The following PLCB1 variants were observed in gnomAD, a reference collection of about 807,000 sequenced individuals.
PLCB1 encodes phospholipase C beta 1.
PLCB1 carries 46 observed loss-of-function variants against 161.8 expected under a neutral mutation model. That is an observed-to-expected ratio of 0.28 (90% CI 0.22 to 0.36). The LOEUF is 0.36. PLCB1 is among the 10% of genes least tolerant of loss of function. The pLI, the probability that PLCB1 is intolerant of heterozygous loss-of-function variation, is 1.00. For missense variants in PLCB1, 1,016 were observed against 1,472.5 expected, an observed-to-expected ratio of 0.69 and a Z score of 5.07; for synonymous variants, 517 against 503.7, an observed-to-expected ratio of 1.03 and a Z score of -0.35.
chr20:8,773,589 G>T (rs1982798259), intron 26 of PLCB1, among the ~76,000 whole-genome samples: 1 of 152,186 alleles, frequency 6.6e-6, no homozygotes, highest in Non-Finnish European at 1.5e-5. Context: ...TGTAAGCTTT[G>T]TGTGGAAAGT....
chr20:8,392,746 T>C (rs1987647080), intron 3 of PLCB1, among the ~76,000 whole-genome samples: 2 of 152,130 alleles, frequency 1.3e-5, no homozygotes, highest in South Asian at 4.1e-4. Context: ...TCTGAGAAAT[T>C]TGTGTTTTGT....
At chr20:8,678,550 A>G (rs1291934075) in intron 9 of PLCB1, among the ~76,000 whole-genome samples, 1 of 152,212 alleles carries the variant, frequency 6.6e-6, no homozygotes, top group Non-Finnish European at 1.5e-5. Flanking sequence ...AATAATTCTA[A>G]ATTTAGCAGA....
At chr20:8,214,874 C>T (rs1411902257) in intron 2 of PLCB1, among the ~76,000 whole-genome samples, 3 of 151,852 alleles carry the variant, frequency 2.0e-5, no homozygotes, top group Non-Finnish European at 2.9e-5. Flanking sequence ...AAGTTATTTG[C>T]GGGGACTGTT....
At chr20:8,288,052 A>G (rs1480170110) in intron 2 of PLCB1, among the ~76,000 whole-genome samples, 6 of 152,184 alleles carry the variant, frequency 3.9e-5, no homozygotes, top group Non-Finnish European at 5.9e-5. Flanking sequence ...CTGAGGTGTA[A>G]CTGTCTATTA....
chr20:8,863,042 G>A (rs1362606587), intron 31 of PLCB1, among the ~76,000 whole-genome samples: 1 of 152,202 alleles, frequency 6.6e-6, no homozygotes, highest in Admixed American at 6.5e-5. Flanking sequence ...GTTATTTCTT[G>A]CAAAGGGTGA....
intron 2 of PLCB1, among the ~76,000 whole-genome samples, chr20:8,234,949 A>G (rs1980244113): frequency 6.6e-6 from 1 of 152,076 alleles, no homozygotes; most frequent in South Asian, 2.1e-4. Context: ...TAAGAATCCA[A>G]TTTGAGGGGT....
chr20:8,874,545 A>G (rs906908931), intron 31 of PLCB1, among the ~76,000 whole-genome samples: 4 of 152,072 alleles, frequency 2.6e-5, no homozygotes, highest in African/African-American at 9.6e-5. Context: ...AAGCAAATAA[A>G]TAAATATGCT....
At chr20:8,425,496 C>A (rs916779809) in intron 3 of PLCB1, among the ~76,000 whole-genome samples, 4 of 152,010 alleles carry the variant, frequency 2.6e-5, no homozygotes, top group Admixed American at 1.3e-4. Flanking sequence ...TTCACCAGGT[C>A]TAGGGGGCAC....
intron 9 of PLCB1, among the ~76,000 whole-genome samples, chr20:8,668,217 A>C (rs902728967): frequency 6.6e-6 from 1 of 152,062 alleles, no homozygotes; most frequent in African/African-American, 2.4e-5. Context: ...TTAATAGAAA[A>C]GCTGAAAAAT....
intron 4 of PLCB1, among the ~76,000 whole-genome samples, chr20:8,641,878 T>C (rs1406732843): frequency 6.6e-6 from 1 of 152,212 alleles, no homozygotes; most frequent in Non-Finnish European, 1.5e-5. Context: ...CTGATGATCA[T>C]GTATTTATTA....
At chr20:8,865,486 G>A (rs1375631250) in intron 31 of PLCB1, among the ~76,000 whole-genome samples, 1 of 152,190 alleles carries the variant, frequency 6.6e-6, no homozygotes, top group Non-Finnish European at 1.5e-5. Context: ...ATGTGAGAAT[G>A]TATTGGTTAG....
intron 31 of PLCB1, among the ~76,000 whole-genome samples, chr20:8,832,502 C>T (rs1053291433): frequency 2.6e-5 from 4 of 152,202 alleles, no homozygotes; most frequent in Non-Finnish European, 4.4e-5. Flanking sequence ...TGGATCTCTT[C>T]GCATGTCCTT....
chr20:8,297,854 C>T (rs1983707424), intron 2 of PLCB1, among the ~76,000 whole-genome samples: 1 of 151,040 alleles, frequency 6.6e-6, no homozygotes. Flanking sequence ...CCTCAACATT[C>T]ATTTGCTGTC....
chr20:8,562,403 G>C (rs911142754), intron 3 of PLCB1, among the ~76,000 whole-genome samples: 1 of 152,070 alleles, frequency 6.6e-6, no homozygotes, highest in Non-Finnish European at 1.5e-5. Context: ...CCTGTGGCCA[G>C]GTAAGGCAAA....
intron 26 of PLCB1, among the ~76,000 whole-genome samples, chr20:8,773,649 T>G (rs931557322): frequency 2.0e-5 from 3 of 152,306 alleles, no homozygotes; most frequent in Middle Eastern, 3.4e-3. Context: ...CCAAAGGGCC[T>G]TATTTTCATT....
intron 4 of PLCB1, among the ~76,000 whole-genome samples, chr20:8,628,907 TG>T (rs1270980751): frequency 1.3e-5 from 2 of 151,796 alleles, no homozygotes; most frequent in Admixed American, 6.6e-5. Context: ...CACTCCAGCC[TG>T]GGTGACAGAG....
chr20:8,632,059 T>G (rs1166508288), intron 4 of PLCB1, among the ~76,000 whole-genome samples: 2 of 114,702 alleles, frequency 1.7e-5, no homozygotes, highest in African/African-American at 6.0e-5. Context: ...TTTTTTTTTT[T>G]TTTTTTTTGC....
At chr20:8,852,772 T>C (rs772004157) in intron 31 of PLCB1, among the ~76,000 whole-genome samples, 1 of 152,256 alleles carries the variant, frequency 6.6e-6, no homozygotes, top group Non-Finnish European at 1.5e-5. Flanking sequence ...TGTTTTCTTA[T>C]AATATTTACC....
At chr20:8,220,524 A>G (rs1444306934) in intron 2 of PLCB1, among the ~76,000 whole-genome samples, 2 of 152,180 alleles carry the variant, frequency 1.3e-5, no homozygotes, top group African/African-American at 4.8e-5. Flanking sequence ...AGAAGAGGAG[A>G]TGATACATGG....
Sources: allele counts gnomAD v4.1 joint callset (sites outside exome capture counted in the v4.1 genomes callset), GRCh38; gene constraint gnomAD v4.1.1; transcripts MANE v1.5; gene names NCBI Gene and HGNC (gene_info 2026-07-23, HGNC 2026-07-21).